The following SIPA1L1 variants were observed in gnomAD, a reference collection of about 807,000 sequenced individuals.
The protein encoded by SIPA1L1 is signal induced proliferation associated 1 like 1.
A neutral mutation model predicts 162.7 loss-of-function variants in SIPA1L1; 26 were observed. That is an observed-to-expected ratio of 0.16 (90% CI 0.12 to 0.22). SIPA1L1 has a LOEUF of 0.22. Among genes scored for constraint, SIPA1L1 ranks in the 10% least tolerant of loss-of-function variants. The pLI is 1.00. For missense variants in SIPA1L1, 1,874 were observed against 2,241.0 expected (o/e 0.84, Z 3.31); for synonymous variants, 829 against 837.4 (o/e 0.99, Z 0.17).
Position 71,593,491 on chromosome 14 carries a change from G to A in SIPA1L1, c.1498+4121G>A, listed in dbSNP as rs542660391. Reference sequence around the variant, plus strand: ...CCTCCCAAAGTGCGGTATTACAAGCGTGAGCCACCGTACCTGGCCTTTTGT... The same window carrying A: ...CCTCCCAAAGTGCGGTATTACAAGCATGAGCCACCGTACCTGGCCTTTTGT... On this transcript the variant is annotated intron_variant, in intron 5 of 23. Coordinates refer to ENST00000381232, the MANE Select transcript of SIPA1L1 (RefSeq NM_001386936.1). Among the ~76,000 whole-genome samples, 305 of 152,210 alleles carry A rather than the reference G, an allele frequency of 2.0e-3. 2 individuals are homozygous for A. Among genetic ancestry groups the A allele is most frequent in the Non-Finnish European group, 3.7e-3 (253 of 67,998 alleles).
intron 5 of SIPA1L1, among the ~76,000 whole-genome samples, chr14:71,594,729 A>C (rs2035832688): frequency 1.3e-5 from 2 of 152,160 alleles, no homozygotes; most frequent in Admixed American, 6.5e-5. Context: ...TCATGTTTTT[A>C]TTGAAGTATT....
At chr14:71,337,187 A>G (rs1032077790) in intron 2 of SIPA1L1, among the ~76,000 whole-genome samples, 12 of 152,304 alleles carry the variant, frequency 7.9e-5, no homozygotes, top group African/African-American at 2.9e-4. Flanking sequence ...CTACCAGACT[A>G]TGTCTCTGCC....
chr14:71,639,087 A>G (rs1427410750), intron 7 of SIPA1L1, among the ~76,000 whole-genome samples: 1 of 152,218 alleles, frequency 6.6e-6, no homozygotes, highest in East Asian at 1.9e-4. Context: ...TTGTATTTTG[A>G]AAACTACAAA....
At chr14:71,549,104 C>T (rs945679594) in intron 4 of SIPA1L1, among the ~76,000 whole-genome samples, 1 of 152,044 alleles carries the variant, frequency 6.6e-6, no homozygotes, top group Non-Finnish European at 1.5e-5. Flanking sequence ...AATAATTCAG[C>T]ATTTAAGTGG....
intron 9 of SIPA1L1, among the ~76,000 whole-genome samples, chr14:71,659,662 T>A (rs1429371887): frequency 6.6e-6 from 1 of 152,190 alleles, no homozygotes; most frequent in Non-Finnish European, 1.5e-5. Flanking sequence ...AGGCTTATTC[T>A]GCCTGATCAC....
At chr14:71,348,682 C>T (rs773302848) in intron 2 of SIPA1L1, among the ~76,000 whole-genome samples, 6 of 151,672 alleles carry the variant, frequency 4.0e-5, no homozygotes, top group Non-Finnish European at 7.4e-5. Context: ...AGCTTTAAAA[C>T]AAAGTGATAA....
intron 17 of SIPA1L1, among the ~76,000 whole-genome samples, chr14:71,712,842 GC>G (rs960509003): frequency 6.6e-6 from 1 of 152,188 alleles, no homozygotes; most frequent in Admixed American, 6.5e-5. Context: ...ACGGTTGTTA[GC>G]CAGCTATTCT....
chr14:71,656,128 C>G (rs2043036510), intron 8 of SIPA1L1, among the ~76,000 whole-genome samples: 1 of 152,116 alleles, frequency 6.6e-6, no homozygotes. Context: ...ATCAGCAAAA[C>G]TCTATGAATC....
chr14:71,562,750 T>A (rs915624707), intron 4 of SIPA1L1, among the ~76,000 whole-genome samples: 4 of 152,028 alleles, frequency 2.6e-5, no homozygotes, highest in Admixed American at 2.6e-4. Flanking sequence ...CACTCCCGGG[T>A]TCAAGCAATT....
chr14:71,574,504 CAG>C (rs756162097), intron 4 of SIPA1L1: 1 of 152,192 alleles, frequency 6.6e-6, no homozygotes, highest in Non-Finnish European at 1.5e-5. Context: ...ATTGCAAAAA[CAG>C]AGAGGCTATC....
chr14:71,600,410 T>C (rs753322703), intron 5 of SIPA1L1, among the ~76,000 whole-genome samples: 1 of 152,200 alleles, frequency 6.6e-6, no homozygotes, highest in African/African-American at 2.4e-5. Context: ...TGGCTGTAAA[T>C]ATATGAATTT....
At chr14:71,463,262 C>T (rs942031581) in intron 2 of SIPA1L1, among the ~76,000 whole-genome samples, 1 of 152,200 alleles carries the variant, frequency 6.6e-6, no homozygotes, top group African/African-American at 2.4e-5. Context: ...CCCTACCAGT[C>T]AGGGAGCCAA....
chr14:71,376,438 A>G (rs2039377444), intron 2 of SIPA1L1, among the ~76,000 whole-genome samples: 1 of 152,058 alleles, frequency 6.6e-6, no homozygotes, highest in Non-Finnish European at 1.5e-5. Flanking sequence ...GCCAGTATTT[A>G]AAAATCAGGA....
At chr14:71,558,841 A>C (rs1297527267) in intron 4 of SIPA1L1, among the ~76,000 whole-genome samples, 1 of 152,002 alleles carries the variant, frequency 6.6e-6, no homozygotes, top group Admixed American at 6.6e-5. Context: ...ACGCCGCTAC[A>C]CTTGGCTAAG....
intron 2 of SIPA1L1, among the ~76,000 whole-genome samples, chr14:71,493,322 G>A (rs2049446265): frequency 6.6e-6 from 1 of 152,038 alleles, no homozygotes; most frequent in South Asian, 2.1e-4. Flanking sequence ...TTGAATCCTG[G>A]GCTCAAGCAG....
At chr14:71,606,573 C>T (rs1027825940) in intron 5 of SIPA1L1, among the ~76,000 whole-genome samples, 4 of 152,106 alleles carry the variant, frequency 2.6e-5, no homozygotes, top group African/African-American at 9.7e-5. Context: ...TGCCCTGGCA[C>T]GGTTTCCAGG....
intron 13 of SIPA1L1, among the ~76,000 whole-genome samples, chr14:71,690,551 T>G (rs904061741): frequency 1.3e-5 from 2 of 152,170 alleles, no homozygotes; most frequent in Non-Finnish European, 1.5e-5. Flanking sequence ...CCCAGCTAAC[T>G]TCTACATTTC....
At chr14:71,608,047 A>G (rs892396948) in intron 5 of SIPA1L1, among the ~76,000 whole-genome samples, 2 of 152,170 alleles carry the variant, frequency 1.3e-5, no homozygotes, top group African/African-American at 2.4e-5. Flanking sequence ...GCTTTATTGC[A>G]TCAATTCCTT....
At chr14:71,356,584 A>AAAAAAAAAAAAAAAAAAAAAC (rs2037284301) in intron 2 of SIPA1L1, among the ~76,000 whole-genome samples, 4 of 146,576 alleles carry the variant, frequency 2.7e-5, no homozygotes, top group South Asian at 4.3e-4. Flanking sequence ...AAAAAAAAAA[A>AAAAAAAAAAAAAAAAAAAAAC]AAAGCACACC....
Sources: allele counts gnomAD v4.1 joint callset (sites outside exome capture counted in the v4.1 genomes callset), GRCh38; gene constraint gnomAD v4.1.1; transcripts MANE v1.5; gene names NCBI Gene and HGNC (gene_info 2026-07-23, HGNC 2026-07-21).